BANK1: variants seen among roughly 807,000 people sequenced by gnomAD.
The protein encoded by BANK1 is B cell scaffold protein with ankyrin repeats 1, also known as B-cell scaffold protein with ankyrin repeats.
In BANK1, 95 loss-of-function variants were observed where a neutral mutation model predicts 94.5. That is an observed-to-expected ratio of 1.00 (90% CI 0.85 to 1.19). The LOEUF (loss-of-function observed/expected upper bound fraction) is 1.19. Ranked by LOEUF, BANK1 falls within the 50% of genes most tolerant of loss-of-function variation. The pLI, the probability that BANK1 is intolerant of heterozygous loss-of-function variation, is 0.00. For missense variants in BANK1, 987 were observed against 932.2 expected (o/e 1.06, Z -0.77); for synonymous variants, 334 against 308.4 (o/e 1.08, Z -0.87).
intron 6 of BANK1, among the ~76,000 whole-genome samples, chr4:101,909,355 A>G (rs545185896): frequency 6.6e-6 from 1 of 152,316 alleles, no homozygotes; most frequent in East Asian, 1.9e-4. Context: ...GAACACTTGG[A>G]CACAGGAAGA....
At chr4:101,953,742 T>C (rs1724248661) in intron 7 of BANK1, among the ~76,000 whole-genome samples, 2 of 152,128 alleles carry the variant, frequency 1.3e-5, no homozygotes, top group South Asian at 4.1e-4. Context: ...CTCAGTGATA[T>C]TTTAACTAAA....
At chr4:101,979,366 A>G (rs1466697898) in intron 7 of BANK1, among the ~76,000 whole-genome samples, 28 of 151,986 alleles carry the variant, frequency 1.8e-4, no homozygotes. Flanking sequence ...AATATAATCC[A>G]GAAAGAGAAA....
chr4:102,033,026 G>T (rs1241095877), intron 10 of BANK1, among the ~76,000 whole-genome samples: 1 of 152,100 alleles, frequency 6.6e-6, no homozygotes, highest in East Asian at 1.9e-4. Flanking sequence ...TATTATTTAT[G>T]TAAGTCTATT....
At chr4:102,007,258 T>C (rs1443089125) in intron 7 of BANK1, among the ~76,000 whole-genome samples, 1 of 147,970 alleles carries the variant, frequency 6.8e-6, no homozygotes, top group Non-Finnish European at 1.5e-5. Flanking sequence ...GACAGATTTG[T>C]TGACCAGGTA....
intron 10 of BANK1, among the ~76,000 whole-genome samples, chr4:102,036,331 T>C (rs1727512274): frequency 6.6e-6 from 1 of 152,156 alleles, no homozygotes; most frequent in South Asian, 2.1e-4. Context: ...TACAATGCAA[T>C]TGAAATGCAA....
At chr4:101,803,026 G>A (rs190720671) in intron 1 of BANK1, among the ~76,000 whole-genome samples, 2 of 152,196 alleles carry the variant, frequency 1.3e-5, no homozygotes, top group Non-Finnish European at 2.9e-5. Context: ...ATATTTAAAT[G>A]TGTGAGAGAT....
intron 1 of BANK1, among the ~76,000 whole-genome samples, chr4:101,798,388 G>A (rs1346488665): frequency 1.3e-5 from 2 of 152,182 alleles, no homozygotes; most frequent in South Asian, 2.1e-4. Context: ...TCACACCAAA[G>A]GGGGGTTTTC....
In BANK1 at chr4:102,068,778, A is replaced by C. The variant is rs550339280; in HGVS notation, c.2213-2497A>C. ...AGGAGGTGGAGGTTGCAGTGAGCCA[A>C]GATTTCTCCACTGCACTCCAGCCTG... On this transcript the variant is annotated intron_variant, in intron 13 of 16. Transcript: ENST00000322953. 2.9e-3 allele frequency among the ~76,000 whole-genome samples: 442 copies of C among 152,148 alleles called. 3 individuals carry two copies. Among genetic ancestry groups the C allele is most frequent in the South Asian group, 8.1e-3 (39 of 4,806 alleles).
intron 5 of BANK1, among the ~76,000 whole-genome samples, chr4:101,870,891 G>A (rs2148881229): frequency 6.6e-6 from 1 of 152,022 alleles, no homozygotes; most frequent in Admixed American, 6.6e-5. Context: ...CCATTGTGAT[G>A]GGCTCATTTT....
Position 101,972,200 on chromosome 4 carries a change from G to T in BANK1, c.1207-49314G>T, listed in dbSNP as rs189525251. ...CAGTATATAGGTCTTTCACCTTTTT[G>T]ATTAAATTTATTCCTAAGTCTTTTC... On this transcript the variant is annotated intron_variant, in intron 7 of 16. Coordinates refer to ENST00000322953, the MANE Select transcript of BANK1 (RefSeq NM_017935.5). 4.2e-3 allele frequency among the ~76,000 whole-genome samples: 636 copies of T among 152,086 alleles called. 8 individuals carry two copies. Among genetic ancestry groups the T allele is most frequent in the African/African-American group, 0.015 (625 of 41,494 alleles).
intron 7 of BANK1, among the ~76,000 whole-genome samples, chr4:101,929,892 A>ATCTT (rs1723286724): frequency 6.6e-6 from 1 of 151,500 alleles, no homozygotes; most frequent in Admixed American, 6.6e-5. Flanking sequence ...AGTTACAAGA[A>ATCTT]ATAATGATAT....
At chr4:101,906,220 C>A (rs1277532084) in intron 6 of BANK1, among the ~76,000 whole-genome samples, 1 of 152,178 alleles carries the variant, frequency 6.6e-6, no homozygotes, top group Non-Finnish European at 1.5e-5. Flanking sequence ...GAAACAGCAA[C>A]ATTCTTTAAC....
At chr4:102,052,858 A>G (rs1166808770) in intron 11 of BANK1, among the ~76,000 whole-genome samples, 1 of 152,208 alleles carries the variant, frequency 6.6e-6, no homozygotes, top group African/African-American at 2.4e-5. Flanking sequence ...AAATAGCAGC[A>G]GAAATTTGAG....
chr4:101,832,946 A>G (rs1726678554), intron 2 of BANK1, among the ~76,000 whole-genome samples: 1 of 124,514 alleles, frequency 8.0e-6, no homozygotes, highest in South Asian at 2.5e-4. Flanking sequence ...TTTCTCTTTT[A>G]GTATCTTTAT....
chr4:101,971,472 T>G (rs990567576), intron 7 of BANK1, among the ~76,000 whole-genome samples: 6 of 152,102 alleles, frequency 3.9e-5, no homozygotes, highest in African/African-American at 1.4e-4. Flanking sequence ...CACACTTAAT[T>G]ATTTCCTTTG....
chr4:102,066,952 T>G (rs1560718353), intron 13 of BANK1, among the ~76,000 whole-genome samples: 3 of 152,144 alleles, frequency 2.0e-5, no homozygotes, highest in Admixed American at 2.0e-4. Context: ...GAATTATATG[T>G]TTCCAAAATT....
At chr4:101,893,177 T>C (rs186374400) in intron 5 of BANK1, among the ~76,000 whole-genome samples, 127 of 152,136 alleles carry the variant, frequency 8.3e-4, no homozygotes, top group African/African-American at 3.0e-3. Context: ...ATTTTTAAAA[T>C]TTAACTATAT....
At chr4:101,931,733 A>C (rs908852991) in intron 7 of BANK1, among the ~76,000 whole-genome samples, 5 of 151,502 alleles carry the variant, frequency 3.3e-5, no homozygotes. Context: ...TAAAATCAAG[A>C]TGAGGAAATA....
Position 102,026,996 on chromosome 4 carries a change from A to G in BANK1, c.1594+1487A>G, listed in dbSNP as rs1727128297. On this transcript the variant is annotated intron_variant, in intron 9 of 16. Transcript: ENST00000322953. ...GGATATTCCTCTGATTCATTCATTC[A>G]TTCAACAGATATTTATTACCTACTA... 2.6e-5 allele frequency among the ~76,000 whole-genome samples: 4 copies of G among 152,156 alleles called. No individual in the cohort carries two copies. The South Asian group carries it at 8.3e-4, about 31-fold the overall frequency.
Sources: allele counts gnomAD v4.1 joint callset (sites outside exome capture counted in the v4.1 genomes callset), GRCh38; gene constraint gnomAD v4.1.1; transcripts MANE v1.5; gene names NCBI Gene and HGNC (gene_info 2026-07-23, HGNC 2026-07-21).